The following NUP50 variants were observed in gnomAD, a reference collection of about 807,000 sequenced individuals.
The protein encoded by NUP50 is nucleoporin 50.
In NUP50, 14 loss-of-function variants were observed where a neutral mutation model predicts 36.8. The ratio of observed to expected loss-of-function variants is 0.38; its 90% CI spans 0.25 to 0.59. NUP50 has a LOEUF of 0.59. Among genes scored for constraint, NUP50 ranks in the 20% least tolerant of loss-of-function variants. NUP50 has a pLI of 0.63. For missense variants in NUP50, 455 were observed against 564.6 expected, an observed-to-expected ratio of 0.81 and a Z score of 1.97; for synonymous variants, 195 against 210.8, an observed-to-expected ratio of 0.93 and a Z score of 0.65.
intron 1 of NUP50, chr22:45,166,341 G>A (rs1241081491): frequency 2.1e-5 from 3 of 139,552 alleles, no homozygotes; most frequent in Admixed American, 7.4e-5. Flanking sequence ...AGGCTGGAGT[G>A]CATTGGCGCG....
intron 7 of NUP50, 99 bp from the exon 8 acceptor site, chr22:45,184,354 A>G (rs557750239): frequency 4.5e-6 from 5 of 1,108,916 alleles, no homozygotes; most frequent in Middle Eastern, 2.0e-4. Flanking sequence ...TCTTAGATGT[A>G]TTAAGTTATT....
chr22:45,166,814 G>C (rs2074102293), intron 1 of NUP50, among the ~76,000 whole-genome samples: 1 of 152,088 alleles, frequency 6.6e-6, no homozygotes, highest in African/African-American at 2.4e-5. Flanking sequence ...ATTAAAAAGA[G>C]AGGGTTCCCA....
At chr22:45,177,731 TGTTC>T (rs2074298965) in intron 4 of NUP50, 1 of 152,892 alleles carries the variant, frequency 6.5e-6, no homozygotes, top group African/African-American at 2.4e-5. Flanking sequence ...TGGTGGTTAG[TGTTC>T]TTGTATAAAC....
Position 45,185,096 on chromosome 22 carries a change from G to A in NUP50, c.*441G>A, listed in dbSNP as rs2074449035. Reference sequence around the variant, plus strand: ...GTGCTTCTCTCCGGTGGGCTCAGCCGACGTGTGAGACTTGTTCTGTTACCA... The same window carrying A: ...GTGCTTCTCTCCGGTGGGCTCAGCCAACGTGTGAGACTTGTTCTGTTACCA... On this transcript the variant is annotated 3_prime_UTR_variant, in exon 8 of 8. Transcript: ENST00000347635. 9.8e-6 allele frequency: 2 copies of A among 204,698 alleles called. No individual in the cohort carries two copies. Among genetic ancestry groups the A allele is most frequent in the South Asian group, 1.5e-4 (2 of 12,964 alleles). The allele number at this position is 204,698 out of a possible 1,614,324, so 12.7% of individuals were successfully genotyped here. A position where few individuals can be genotyped will look rare whatever the true frequency, so the allele number is the denominator to read the frequency against.
rs1257654088 is a variant in NUP50 at position 45,185,953 on chromosome 22, C to G, written c.*1298C>G. 3 of 152,284 alleles carry G rather than the reference C, an allele frequency of 2.0e-5. No homozygotes were observed. Among genetic ancestry groups the G allele is most frequent in the African/African-American group, 7.2e-5 (3 of 41,464 alleles). The allele number at this position is 152,284 out of a possible 1,614,324, so 9.4% of individuals were successfully genotyped here. ...GCCCAAGGGCTCCCGCGTGTGTGTT[C>G]TGATCTTCAGTGCGTAGCACATTCT... On this transcript the variant is annotated 3_prime_UTR_variant, in exon 8 of 8. Transcript: ENST00000347635.
intron 3 of NUP50, among the ~76,000 whole-genome samples, chr22:45,175,047 G>A (rs2147683107): frequency 6.6e-6 from 1 of 152,024 alleles, no homozygotes; most frequent in Middle Eastern, 3.4e-3. Flanking sequence ...TAGATGTTCG[G>A]TCTAAGAAGC....
chr22:45,166,813 A>G (rs1049615085), intron 1 of NUP50, among the ~76,000 whole-genome samples: 2 of 152,102 alleles, frequency 1.3e-5, no homozygotes, highest in Non-Finnish European at 2.9e-5. Context: ...CATTAAAAAG[A>G]GAGGGTTCCC....
At chr22:45,178,131 G>A in intron 4 of NUP50, 107 bp from the exon 5 acceptor site, 2 of 986,304 alleles carry the variant, frequency 2.0e-6, no homozygotes, top group Non-Finnish European at 3.1e-6. Context: ...CTTGGTGTGG[G>A]GGGAGATACA....
intron 3 of NUP50, among the ~76,000 whole-genome samples, chr22:45,172,654 A>G (rs774529285): frequency 1.3e-5 from 2 of 152,224 alleles, no homozygotes; most frequent in African/African-American, 2.4e-5. Context: ...TTGAGAAGCA[A>G]TGAAAAGAAA....
At chr22:45,180,738 G>T (rs2074354814) in intron 5 of NUP50, among the ~76,000 whole-genome samples, 1 of 152,018 alleles carries the variant, frequency 6.6e-6, no homozygotes, top group Non-Finnish European at 1.5e-5. Context: ...CGTTAGTGGG[G>T]ATACCTTTGG....
At chr22:45,174,707 G>A (rs1166774556) in intron 3 of NUP50, among the ~76,000 whole-genome samples, 1 of 152,168 alleles carries the variant, frequency 6.6e-6, no homozygotes, top group Non-Finnish European at 1.5e-5. Context: ...ACAGCTATCA[G>A]TGTGGCGGGT....
chr22:45,183,668 T>A (rs2074419740), intron 7 of NUP50, 148 bp downstream of exon 7: 2 of 636,302 alleles, frequency 3.1e-6, no homozygotes, highest in Non-Finnish European at 5.7e-6. Context: ...TAGTTTTGAG[T>A]CCCAGGATAA....
chr22:45,184,139 C>T lies in NUP50; in HGVS notation c.1205-314C>T, dbSNP rs561492116. 48 of 347,752 alleles carry T rather than the reference C, an allele frequency of 1.4e-4. 1 individual carries two copies. The South Asian group carries it at 1.7e-3, about 12-fold the overall frequency. 21.5% of individuals were successfully genotyped at this position (347,752 alleles called of 1,614,324 possible). ...CACTGGGTTGTGCCACCGTGTTCTT[C>T]CTTCAGTGCAAAGACGGACAGTGTT... On this transcript the variant is annotated intron_variant, in intron 7 of 7. Coordinates refer to ENST00000347635, the MANE Select transcript of NUP50 (RefSeq NM_007172.4).
Position 45,186,987 on chromosome 22 carries a change from T to C in NUP50, c.*2332T>C, listed in dbSNP as rs576480115. The stretch of plus-strand genomic sequence containing the variant: ...GTAATTCTGATTTATGCGTTTAGTT[T>C]GACTTATTTTTAACAAAATATTAGA... On this transcript the variant is annotated 3_prime_UTR_variant, in exon 8 of 8. Coordinates refer to ENST00000347635, the MANE Select transcript of NUP50 (RefSeq NM_007172.4). 7.2e-5 allele frequency: 11 copies of C among 152,354 alleles called. No homozygotes were observed. The highest frequency in any genetic ancestry group is 2.6e-4 in the African/African-American group (11 of 41,592). The allele number at this position is 152,354 out of a possible 1,614,324, so 9.4% of individuals were successfully genotyped here. A position where few individuals can be genotyped will look rare whatever the true frequency, so the allele number is the denominator to read the frequency against.
chr22:45,174,479 T>C (rs1455317802), intron 3 of NUP50, among the ~76,000 whole-genome samples: 3 of 152,226 alleles, frequency 2.0e-5, no homozygotes, highest in Non-Finnish European at 4.4e-5. Flanking sequence ...ACCTGGCCCC[T>C]TGATGAATAT....
rs2074463511 is a variant in NUP50 at position 45,185,921 on chromosome 22, G to C, written c.*1266G>C. The C allele has an allele frequency of 6.6e-6, 1 of 152,236 alleles. No homozygotes were observed. The highest frequency in any genetic ancestry group is 1.5e-5 in the Non-Finnish European group (1 of 68,050). The allele number at this position is 152,236 out of a possible 1,614,324, so 9.4% of individuals were successfully genotyped here. A position where few individuals can be genotyped will look rare whatever the true frequency, so the allele number is the denominator to read the frequency against. On this transcript the variant is annotated 3_prime_UTR_variant, in exon 8 of 8. Coordinates refer to ENST00000347635, the MANE Select transcript of NUP50 (RefSeq NM_007172.4). ...CAGCTGATCTTGTGTACAGGCTCAG[G>C]GTCAGTGCCCAAGGGCTCCCGCGTG...
chr22:45,184,951 T>G lies in NUP50; in HGVS notation c.*296T>G, dbSNP rs1165280744. The G allele has an allele frequency of 1.2e-5, 5 of 400,720 alleles. No homozygotes were observed. Among genetic ancestry groups the G allele is most frequent in the Admixed American group, 4.3e-5 (1 of 23,436 alleles). 24.8% of individuals were successfully genotyped at this position (400,720 alleles called of 1,614,324 possible). ...TAAGTGATTTCTTCAAGGACTGCAA[T>G]CAGGGTATCAATTTGCTTTCCCAAA... is the stretch of plus-strand genomic sequence containing the variant. On this transcript the variant is annotated 3_prime_UTR_variant, in exon 8 of 8. Coordinates refer to ENST00000347635, the MANE Select transcript of NUP50 (RefSeq NM_007172.4).
chr22:45,187,296 G>C lies in NUP50; in HGVS notation c.*2641G>C, dbSNP rs979612260. The C allele has an allele frequency of 3.3e-5, 5 of 150,766 alleles. No homozygotes were observed. Among genetic ancestry groups the C allele is most frequent in the Non-Finnish European group, 7.4e-5 (5 of 67,878 alleles). The allele number at this position is 150,766 out of a possible 1,614,324, so 9.3% of individuals were successfully genotyped here. ...TGAAAAAATATGGCCAGTTTTTAAA[G>C]AAGTTTAGATTATGTTTTCCATGGA... On this transcript the variant is annotated 3_prime_UTR_variant, in exon 8 of 8. Coordinates refer to ENST00000347635, the MANE Select transcript of NUP50 (RefSeq NM_007172.4).
In NUP50 at chr22:45,164,300, A is replaced by AGGGGCGGCGGCGGGCGCG. The variant is rs1380874851; in HGVS notation, c.-11+6_-11+7insGGCGGCGGCGGGCGCGGG. ...TGCAGCGGCGGCCGCCGAGGAGGTG[A>AGGGGCGGCGGCGGGCGCG]GGAGCGGCGGCGGGCGCGGGAGGAG... On this transcript the variant is annotated splice_donor_region_variant and intron_variant, in intron 1 of 7. Transcript: ENST00000347635. 5 of 152,374 alleles carry AGGGGCGGCGGCGGGCGCG rather than the reference A, an allele frequency of 3.3e-5. No individual in the cohort carries two copies. In the South Asian group the frequency reaches 1.0e-3, roughly 31 times the overall value. 9.4% of individuals were successfully genotyped at this position (152,374 alleles called of 1,614,324 possible).
Sources: gnomAD v4.1 joint callset for allele counts (sites outside exome capture counted in the v4.1 genomes callset) on GRCh38, gnomAD v4.1.1 for gene constraint, MANE v1.5 for transcripts, NCBI Gene and HGNC (gene_info 2026-07-23, HGNC 2026-07-21) for gene names.